Variants in ALPK2 observed in about 807,000 individuals in gnomAD.
ALPK2 encodes the protein alpha kinase 2.
ALPK2 carries 127 observed loss-of-function variants against 163.1 expected under a neutral mutation model. The observed-to-expected ratio is 0.78, with a 90% CI of 0.67 to 0.90. The LOEUF is 0.90. Ranked by LOEUF, ALPK2 falls within the 40% of genes least tolerant of loss-of-function variation. The pLI is 0.00. For missense variants in ALPK2, 2,360 were observed against 2,589.6 expected, an observed-to-expected ratio of 0.91 and a Z score of 1.92; for synonymous variants, 953 against 959.1, an observed-to-expected ratio of 0.99 and a Z score of 0.12.
chr18:58,577,187 C>T (rs1464065707), intron 4 of ALPK2, among the ~76,000 whole-genome samples: 2 of 152,192 alleles, frequency 1.3e-5, no homozygotes, highest in Admixed American at 6.5e-5. Context: ...TCTCAGAATT[C>T]AGTTTAGGTC....
chr18:58,543,248 C>T (rs2051700210), intron 4 of ALPK2: 1 of 633,536 alleles, frequency 1.6e-6, no homozygotes, highest in South Asian at 7.0e-5. Flanking sequence ...TGGGACTTCT[C>T]AGTCTCCAGA....
At chr18:58,601,669 C>G (rs2052070543) in intron 3 of ALPK2, among the ~76,000 whole-genome samples, 1 of 152,104 alleles carries the variant, frequency 6.6e-6, no homozygotes, top group Admixed American at 6.5e-5. Context: ...TAGCCAACAG[C>G]AATATCCACT....
intron 4 of ALPK2, 183 bp downstream of exon 4, chr18:58,578,631 C>T (rs193285067): frequency 8.0e-5 from 45 of 565,176 alleles, no homozygotes; most frequent in African/African-American, 6.9e-4. Context: ...GATTTCCTTC[C>T]GAGCAGCAGC....
At chr18:58,491,725 A>G (rs1382142852) in intron 12 of ALPK2, among the ~76,000 whole-genome samples, 1 of 152,176 alleles carries the variant, frequency 6.6e-6, no homozygotes, top group Non-Finnish European at 1.5e-5. Context: ...GCCCTATGTG[A>G]ATTAAACTCT....
intron 10 of ALPK2, 27 bp downstream of exon 10, chr18:58,514,966 G>A: frequency 6.3e-7 from 1 of 1,585,036 alleles, no homozygotes; most frequent in Middle Eastern, 1.7e-4. Flanking sequence ...TCAGGAGTGT[G>A]ACACAAGGCA....
chr18:58,588,232 AC>A (rs1048105964), intron 3 of ALPK2, among the ~76,000 whole-genome samples: 45 of 152,222 alleles, frequency 3.0e-4, no homozygotes, highest in African/African-American at 1.1e-3. Flanking sequence ...ATTAAGTAAA[AC>A]TTTTTGTTTG....
chr18:58,551,984 A>T (rs1344890337), intron 4 of ALPK2, among the ~76,000 whole-genome samples: 1 of 152,170 alleles, frequency 6.6e-6, no homozygotes, highest in African/African-American at 2.4e-5. Flanking sequence ...CCTGAACTAG[A>T]AATTTAAGAG....
chr18:58,524,413 T>C (rs1381760373), intron 6 of ALPK2, among the ~76,000 whole-genome samples: 1 of 152,210 alleles, frequency 6.6e-6, no homozygotes, highest in Non-Finnish European at 1.5e-5. Context: ...GAAAGTCTGA[T>C]AACTCCAAAC....
chr18:58,591,735 T>C (rs969807775), intron 3 of ALPK2, among the ~76,000 whole-genome samples: 5 of 152,136 alleles, frequency 3.3e-5, no homozygotes, highest in African/African-American at 1.2e-4. Flanking sequence ...AATAAGCCAT[T>C]TTTAATTTGG....
At chr18:58,515,721 A>T (rs1479290764) in intron 9 of ALPK2, among the ~76,000 whole-genome samples, 1 of 152,258 alleles carries the variant, frequency 6.6e-6, no homozygotes, top group East Asian at 1.9e-4. Flanking sequence ...AGAAGCACAA[A>T]GTCCCACGTG....
At position 58,535,454 on chromosome 18, in the gene ALPK2, C is replaced by T. The variant is rs780229836; in HGVS notation, c.4733G>A (p.Arg1578His). ...PENDIVEPRK[R>H]QYVFPVSQKR... is the part of the protein sequence containing the mutation. ...CTGTGAAACAGGAAACACATACTGA[C>T]GCTTTCTGGGCTCAACTATGTCATT... The change falls in exon 5 of 13, where the codon CGT becomes CAT. Residue 1578 changes from arginine to histidine, a missense_variant. By Grantham distance (29) the Arg-to-His change is conservative. Coordinates refer to ENST00000361673, the MANE Select transcript of ALPK2 (RefSeq NM_052947.4). The T allele has an allele frequency of 3.0e-5, 49 of 1,614,070 alleles. No individual in the cohort carries two copies. Among genetic ancestry groups the T allele is most frequent in the South Asian group, 1.8e-4 (16 of 91,082 alleles).
intron 4 of ALPK2, among the ~76,000 whole-genome samples, chr18:58,556,760 A>G (rs1415799241): frequency 1.3e-5 from 2 of 152,132 alleles, no homozygotes; most frequent in Non-Finnish European, 2.9e-5. Context: ...ATGAACCTAG[A>G]GCCCCTGAGG....
chr18:58,584,338 C>T lies in ALPK2; in HGVS notation c.228-3790G>A, dbSNP rs543989049. On this transcript the variant is annotated intron_variant, in intron 3 of 12. Transcript: ENST00000361673. Reference sequence around the variant, plus strand: ...AGGGGAAGAAAATCGGGCAAGGAAGCCAGCATCTGCTGGGTGACTCCTACA... The same window carrying T: ...AGGGGAAGAAAATCGGGCAAGGAAGTCAGCATCTGCTGGGTGACTCCTACA... Among the ~76,000 whole-genome samples, 4 of 152,272 alleles carry T rather than the reference C, an allele frequency of 2.6e-5. No individual in the cohort carries two copies. In the South Asian group the frequency reaches 8.3e-4, roughly 32 times the overall value.
At chr18:58,497,669 A>G (rs934308684) in intron 12 of ALPK2, among the ~76,000 whole-genome samples, 1 of 152,232 alleles carries the variant, frequency 6.6e-6, no homozygotes, top group Non-Finnish European at 1.5e-5. Flanking sequence ...ACTGCATTCA[A>G]TTGCAAAAAA....
chr18:58,569,572 G>A (rs1204949802), intron 4 of ALPK2, among the ~76,000 whole-genome samples: 3 of 152,118 alleles, frequency 2.0e-5, no homozygotes, highest in Non-Finnish European at 4.4e-5. Flanking sequence ...TAACCAGCTG[G>A]TCCGCGGACT....
At chr18:58,503,547 T>A (rs932377511) in intron 11 of ALPK2, among the ~76,000 whole-genome samples, 2 of 152,076 alleles carry the variant, frequency 1.3e-5, no homozygotes, top group African/African-American at 4.8e-5. Flanking sequence ...AATTTTTTTT[T>A]AATTAGCCAG....
intron 10 of ALPK2, among the ~76,000 whole-genome samples, chr18:58,508,274 G>A (rs2051471622): frequency 6.6e-6 from 1 of 152,198 alleles, no homozygotes; most frequent in African/African-American, 2.4e-5. Flanking sequence ...AGGCTGATTT[G>A]AGTAATAATA....
chr18:58,525,142 G>A (rs2051577935), intron 6 of ALPK2, among the ~76,000 whole-genome samples: 1 of 152,134 alleles, frequency 6.6e-6, no homozygotes, highest in Non-Finnish European at 1.5e-5. Context: ...TCAGTTGCAT[G>A]TTCAAAAACA....
chr18:58,555,440 T>A (rs1337053802), intron 4 of ALPK2, among the ~76,000 whole-genome samples: 2 of 152,212 alleles, frequency 1.3e-5, no homozygotes, highest in African/African-American at 4.8e-5. Context: ...ATGTATAATA[T>A]CACAAAAGAG....
Sources: allele counts gnomAD v4.1 joint callset (sites outside exome capture counted in the v4.1 genomes callset), GRCh38; gene constraint gnomAD v4.1.1; transcripts MANE v1.5; gene names NCBI Gene and HGNC (gene_info 2026-07-23, HGNC 2026-07-21).